The following FOXP1 variants were observed in gnomAD, a reference collection of about 807,000 sequenced individuals.
The protein encoded by FOXP1 is forkhead box P1.
In FOXP1, 15 loss-of-function variants were observed where a neutral mutation model predicts 98.2. The ratio of observed to expected loss-of-function variants is 0.15; its 90% CI spans 0.10 to 0.24. The LOEUF is 0.24. Ranked by LOEUF, FOXP1 falls within the 10% of genes least tolerant of loss-of-function variation. The pLI is 1.00. For synonymous variants in FOXP1, 371 were observed against 314.5 expected (o/e 1.18, Z -1.90); for missense variants, 633 against 848.5 (o/e 0.75, Z 3.15).
chr3:71,455,585 TTAAC>T (rs2087404090), intron 3 of FOXP1, among the ~76,000 whole-genome samples: 1 of 152,198 alleles, frequency 6.6e-6, no homozygotes, highest in East Asian at 1.9e-4. Context: ...TTTCAAAGAA[TTAAC>T]TAATTGCAAC....
Position 70,959,341 on chromosome 3 carries a change from C to G in FOXP1, c.1940G>C (p.Gly647Ala). Residue 647 changes from glycine (G) to alanine (A), a missense_variant, in exon 21 of 21, where the codon GGG becomes GCG. By Grantham distance (60) the Gly-to-Ala change is moderately conservative. Coordinates refer to ENST00000649528, the MANE Select transcript of FOXP1 (RefSeq NM_001349338.3). The stretch of plus-strand genomic sequence containing the variant: ...GGCTGTTGTCACTAAGGACAGGGGC[C>G]CTTCAGCTTCCTCTGGATCGAGGGG... Reference protein sequence around the residue: ...EEPLDPEEAEGPLSLVTTANH... With the variant: ...EEPLDPEEAEAPLSLVTTANH... 1 of 1,613,902 alleles carries G rather than the reference C, an allele frequency of 6.2e-7. No individual in the cohort carries two copies. The highest frequency in any genetic ancestry group is 2.2e-5 in the East Asian group (1 of 44,860).
chr3:71,314,701 G>A (rs2074951273), intron 4 of FOXP1, among the ~76,000 whole-genome samples: 1 of 151,818 alleles, frequency 6.6e-6, no homozygotes, highest in African/African-American at 2.4e-5. Context: ...TAAGATTGGG[G>A]TCTCACCTAC....
intron 7 of FOXP1, among the ~76,000 whole-genome samples, chr3:71,070,967 A>T (rs1414865076): frequency 6.6e-6 from 1 of 152,186 alleles, no homozygotes; most frequent in Non-Finnish European, 1.5e-5. Flanking sequence ...AAGCCGGCAC[A>T]GGGCTGTGGA....
chr3:71,156,742 A>ACATCTAGAATTTTTGAAATGGG lies in FOXP1; in HGVS notation c.180+41438_180+41459dup, dbSNP rs1279873534. 8.3e-4 allele frequency among the ~76,000 whole-genome samples: 126 copies of ACATCTAGAATTTTTGAAATGGG among 152,236 alleles called. 2 individuals carry two copies. Among genetic ancestry groups the ACATCTAGAATTTTTGAAATGGG allele is most frequent in the Non-Finnish European group, 7.3e-4 (50 of 68,048 alleles). ...ATTTTAGTGCCCAAAGGCTAGTTGGACATCTAGAATTTTTGAAATGGGCAA... is the reference window on the plus strand; with the variant it reads ...ATTTTAGTGCCCAAAGGCTAGTTGGACATCTAGAATTTTTGAAATGGGCATCTAGAATTTTTGAAATGGGCAA... On this transcript the variant is annotated intron_variant, in intron 6 of 20. Coordinates refer to ENST00000649528, the MANE Select transcript of FOXP1 (RefSeq NM_001349338.3).
intron 11 of FOXP1, among the ~76,000 whole-genome samples, chr3:71,028,434 C>T (rs548072913): frequency 3.1e-4 from 47 of 152,308 alleles, no homozygotes; most frequent in African/African-American, 1.0e-3. Context: ...AAGGGTGGGG[C>T]CCAGTAGCCT....
At chr3:71,463,309 A>C (rs1577653723) in intron 3 of FOXP1, among the ~76,000 whole-genome samples, 2 of 140,638 alleles carry the variant, frequency 1.4e-5, no homozygotes, top group African/African-American at 5.3e-5. Context: ...GGTTGCAGTG[A>C]GCTGAGATCA....
chr3:71,066,287 T>G (rs1446156610), intron 7 of FOXP1, among the ~76,000 whole-genome samples: 1 of 152,056 alleles, frequency 6.6e-6, no homozygotes, highest in South Asian at 2.1e-4. Flanking sequence ...CTCTTTACTC[T>G]GGCTGTAAAA....
At chr3:70,961,788 T>C (rs1211703810) in intron 20 of FOXP1, among the ~76,000 whole-genome samples, 1 of 152,158 alleles carries the variant, frequency 6.6e-6, no homozygotes, top group African/African-American at 2.4e-5. Flanking sequence ...ATGCCAGGCA[T>C]GGTGGTGTGT....
At chr3:70,973,253 C>CGCCCT in intron 17 of FOXP1, among the ~76,000 whole-genome samples, 1 of 150,700 alleles carries the variant, frequency 6.6e-6, no homozygotes, top group Admixed American at 6.6e-5. Context: ...CGCCCCGCCC[C>CGCCCT]GCCCCGGTCA....
intron 6 of FOXP1, among the ~76,000 whole-genome samples, chr3:71,158,174 A>G (rs2108117768): frequency 7.1e-6 from 1 of 139,876 alleles, no homozygotes; most frequent in East Asian, 2.2e-4. Context: ...GGAAGGAAGG[A>G]AGGAGGGAAG....
chr3:71,155,819 C>T (rs1160950323), intron 6 of FOXP1, among the ~76,000 whole-genome samples: 1 of 152,204 alleles, frequency 6.6e-6, no homozygotes, highest in East Asian at 1.9e-4. Flanking sequence ...TCCATGCATA[C>T]ATTCCTTCTT....
chr3:71,053,579 G>A (rs1465783781), intron 8 of FOXP1, 57 bp downstream of exon 8: 2 of 1,610,800 alleles, frequency 1.2e-6, no homozygotes, highest in African/African-American at 2.7e-5. Flanking sequence ...CGAATGGAGT[G>A]ATGGGGGCCC....
chr3:71,533,967 G>A (rs1184785121), intron 2 of FOXP1, among the ~76,000 whole-genome samples: 1 of 152,152 alleles, frequency 6.6e-6, no homozygotes, highest in African/African-American at 2.4e-5. Flanking sequence ...AAAAGAGAAG[G>A]AGCATAATCA....
At chr3:71,412,644 T>C (rs1427153844) in intron 3 of FOXP1, among the ~76,000 whole-genome samples, 1 of 151,998 alleles carries the variant, frequency 6.6e-6, no homozygotes, top group Non-Finnish European at 1.5e-5. Flanking sequence ...CTTGGGTAAG[T>C]AGAAATAAAA....
chr3:71,525,273 G>C (rs2107490410), intron 2 of FOXP1, among the ~76,000 whole-genome samples: 1 of 152,344 alleles, frequency 6.6e-6, no homozygotes, highest in South Asian at 2.1e-4. Flanking sequence ...AGGAAACACA[G>C]TGTTGAATGA....
In FOXP1 at chr3:71,281,475, T is replaced by C. The variant is rs75673094; in HGVS notation, c.-12+18345A>G. ...TGTTCTTCCAAACAGACAGGGATTC[T>C]GGCTCCCTGCCCTGTAGAACACACA... On this transcript the variant is annotated intron_variant, in intron 5 of 20. Coordinates refer to ENST00000649528, the MANE Select transcript of FOXP1 (RefSeq NM_001349338.3). Among the ~76,000 whole-genome samples the C allele has an allele frequency of 6.5e-3, 993 of 152,320 alleles. 14 individuals carry two copies. Among genetic ancestry groups the C allele is most frequent in the African/African-American group, 0.023 (958 of 41,578 alleles).
intron 3 of FOXP1, among the ~76,000 whole-genome samples, chr3:71,445,982 C>A (rs974350411): frequency 6.6e-6 from 1 of 152,166 alleles, no homozygotes; most frequent in African/African-American, 2.4e-5. Context: ...GCCACCGTGC[C>A]CGGCCTATGT....
chr3:71,457,758 G>A (rs1394774907), intron 3 of FOXP1, among the ~76,000 whole-genome samples: 1 of 152,288 alleles, frequency 6.6e-6, no homozygotes, highest in East Asian at 1.9e-4. Context: ...CACAATCAAA[G>A]CACTCGAAGA....
chr3:71,557,947 G>T (rs2046256646), intron 2 of FOXP1, among the ~76,000 whole-genome samples: 1 of 152,138 alleles, frequency 6.6e-6, no homozygotes, highest in African/African-American at 2.4e-5. Flanking sequence ...CTCCTAAGTA[G>T]CTGGAATTAT....
Sources: gnomAD v4.1 joint callset for allele counts (sites outside exome capture counted in the v4.1 genomes callset) on GRCh38, gnomAD v4.1.1 for gene constraint, MANE v1.5 for transcripts, NCBI Gene and HGNC (gene_info 2026-07-23, HGNC 2026-07-21) for gene names.